KIRREL3: variants seen among roughly 807,000 people sequenced by gnomAD.
KIRREL3 encodes kin of IRRE-like protein 3.
A neutral mutation model predicts 89.7 loss-of-function variants in KIRREL3; 36 were observed. The observed-to-expected ratio is 0.40, with a 90% CI of 0.31 to 0.53. The LOEUF (loss-of-function observed/expected upper bound fraction) is 0.53, where lower values mean the gene tolerates loss of function less well. Among genes scored for constraint, KIRREL3 ranks in the 20% least tolerant of loss-of-function variants. KIRREL3 has a pLI of 0.49. For synonymous variants in KIRREL3, 445 were observed against 441.4 expected (o/e 1.01, Z -0.10); for missense variants, 864 against 1,056.6 (o/e 0.82, Z 2.53).
intron 1 of KIRREL3, among the ~76,000 whole-genome samples, chr11:126,895,340 G>C (rs761617893): frequency 4.0e-5 from 6 of 151,236 alleles, no homozygotes; most frequent in African/African-American, 1.5e-4. Context: ...GAGGGCACCA[G>C]TAATCCCAGG....
At position 126,917,488 on chromosome 11, in the gene KIRREL3, T is replaced by A. The variant is rs112053367; in HGVS notation, c.55+82967A>T. On this transcript the variant is annotated intron_variant, in intron 1 of 16. Coordinates refer to ENST00000525144, the MANE Select transcript of KIRREL3 (RefSeq NM_032531.4). The surrounding 1 kb of genome is among the most constrained non-coding windows in gnomAD (Gnocchi z 5.0). The stretch of plus-strand genomic sequence containing the variant: ...TATATATTTTACCACAATAAAAAAA[T>A]TAAAAAAAAACAAGGAAAAACCTGC... Among the ~76,000 whole-genome samples the A allele has an allele frequency of 6.7e-6, 1 of 148,678 alleles. No homozygotes were observed. Among genetic ancestry groups the A allele is most frequent in the African/African-American group, 2.5e-5 (1 of 39,308 alleles).
At position 126,744,868 on chromosome 11, in the gene KIRREL3, G is replaced by T. The variant is rs1255574565; in HGVS notation, c.56-181956C>A. Among the ~76,000 whole-genome samples the T allele has an allele frequency of 9.5e-6, 1 of 105,708 alleles. No individual in the cohort carries two copies. Among genetic ancestry groups the T allele is most frequent in the Non-Finnish European group, 1.9e-5 (1 of 53,494 alleles). 69.3% of individuals were successfully genotyped at this position (105,708 alleles called of 152,430 possible). A position where few individuals can be genotyped will look rare whatever the true frequency, so the allele number is the denominator to read the frequency against. The stretch of plus-strand genomic sequence containing the variant: ...CACAATAAATTGTGTCTGCCACATA[G>T]TAAGTGCTAAAAAAAAAAAAAAAGG... On this transcript the variant is annotated intron_variant, in intron 1 of 16. Coordinates refer to ENST00000525144, the MANE Select transcript of KIRREL3 (RefSeq NM_032531.4). The surrounding 1 kb of genome is among the most constrained non-coding windows in gnomAD (Gnocchi z 4.7).
At chr11:126,592,014 G>T (rs1942160107) in intron 1 of KIRREL3, among the ~76,000 whole-genome samples, 1 of 152,114 alleles carries the variant, frequency 6.6e-6, no homozygotes, top group Non-Finnish European at 1.5e-5. Flanking sequence ...ACGGCTGGGG[G>T]TCGCTTGCCT....
chr11:126,845,732 CT>C (rs1429800517), intron 1 of KIRREL3, among the ~76,000 whole-genome samples: 1 of 152,102 alleles, frequency 6.6e-6, no homozygotes, highest in East Asian at 1.9e-4. Flanking sequence ...ATTCTCTTCC[CT>C]TCTATGAATT....
rs11600151 is a variant in KIRREL3, at chr11:126,430,642, C to T, written c.1696+777G>A. Among the ~76,000 whole-genome samples the T allele has an allele frequency of 0.1, 15,589 of 152,076 alleles. 872 individuals carry two copies. Among genetic ancestry groups the T allele is most frequent in the African/African-American group, 0.13 (5,304 of 41,440 alleles). On this transcript the variant is annotated intron_variant, in intron 14 of 16. Coordinates refer to ENST00000525144, the MANE Select transcript of KIRREL3 (RefSeq NM_032531.4). This position sits in a 1 kb window ranked among gnomAD's most constrained non-coding sequence, Gnocchi z 6.6. ...CTTTCTTCAAACATGTGCAGGCTGC[C>T]GAGTGGCAGAGGAGCAGACCCATTC... is the stretch of plus-strand genomic sequence containing the variant.
In KIRREL3 at chr11:126,542,947, G is replaced by A. The variant is rs528585358; in HGVS notation, c.134-16260C>T. Among the ~76,000 whole-genome samples the A allele has an allele frequency of 1.4e-3, 209 of 152,240 alleles. 1 individual carries two copies. Among genetic ancestry groups the A allele is most frequent in the African/African-American group, 4.8e-3 (199 of 41,516 alleles). On this transcript the variant is annotated intron_variant, in intron 2 of 16. Coordinates refer to ENST00000525144, the MANE Select transcript of KIRREL3 (RefSeq NM_032531.4). ...TGGGATATTAACCACAACTAACTCC[G>A]ATACAAAGCACTTCACATACATTAT...
At chr11:126,929,052 C>T (rs961318056) in intron 1 of KIRREL3, among the ~76,000 whole-genome samples, 1 of 151,996 alleles carries the variant, frequency 6.6e-6, no homozygotes, top group Admixed American at 6.5e-5. Context: ...ATGTACATAC[C>T]CCTTAGGAGC....
intron 1 of KIRREL3, among the ~76,000 whole-genome samples, chr11:126,665,244 C>A (rs1259956813): frequency 6.6e-6 from 1 of 152,162 alleles, no homozygotes; most frequent in Non-Finnish European, 1.5e-5. Flanking sequence ...CAGGATGATG[C>A]AGTTGACACA....
At position 126,685,289 on chromosome 11, in the gene KIRREL3, A is replaced by T. The variant is rs1268888636; in HGVS notation, c.56-122377T>A. Among the ~76,000 whole-genome samples, 1 of 152,154 alleles carries T rather than the reference A, an allele frequency of 6.6e-6. No individual in the cohort carries two copies. The highest frequency in any genetic ancestry group is 1.5e-5 in the Non-Finnish European group (1 of 68,028). ...TGAACACACAATTGAGCAACAAAACATAGTCACACAGGGCCTGCCTCACAC... is the reference window on the plus strand; with the variant it reads ...TGAACACACAATTGAGCAACAAAACTTAGTCACACAGGGCCTGCCTCACAC... On this transcript the variant is annotated intron_variant, in intron 1 of 16. Transcript: ENST00000525144. This position sits in a 1 kb window ranked among gnomAD's most constrained non-coding sequence, Gnocchi z 5.5.
intron 1 of KIRREL3, among the ~76,000 whole-genome samples, chr11:126,907,253 T>C (rs1422024150): frequency 6.6e-6 from 1 of 152,184 alleles, no homozygotes. Context: ...CCAAGTCCAC[T>C]GTGAAGATGC....
At chr11:126,675,063 G>T (rs1025763205) in intron 1 of KIRREL3, among the ~76,000 whole-genome samples, 14 of 152,222 alleles carry the variant, frequency 9.2e-5, no homozygotes, top group African/African-American at 3.4e-4. Flanking sequence ...TCACCTTGGA[G>T]CTTGTTGCCT....
rs567692205 is a variant in KIRREL3, at chr11:126,569,971, A to G, written c.56-7059T>C. Among the ~76,000 whole-genome samples the G allele has an allele frequency of 6.6e-6, 1 of 152,296 alleles. No homozygotes were observed. Among genetic ancestry groups the G allele is most frequent in the African/African-American group, 2.4e-5 (1 of 41,584 alleles). ...GGTTCTGCCTACTCCTATTTTCAGC[A>G]TAATTACTCATATCCCAGGCAATAA... On this transcript the variant is annotated intron_variant, in intron 1 of 16. Transcript: ENST00000525144. This position sits in a 1 kb window ranked among gnomAD's most constrained non-coding sequence, Gnocchi z 6.5.
Position 126,977,589 on chromosome 11 carries a change from C to G in KIRREL3, c.55+22866G>C, listed in dbSNP as rs926938466. 3.3e-5 allele frequency among the ~76,000 whole-genome samples: 5 copies of G among 152,202 alleles called. No homozygotes were observed. The highest frequency in any genetic ancestry group is 6.5e-5 in the Admixed American group (1 of 15,282). On this transcript the variant is annotated intron_variant, in intron 1 of 16. Coordinates refer to ENST00000525144, the MANE Select transcript of KIRREL3 (RefSeq NM_032531.4). This position sits in a 1 kb window ranked among gnomAD's most constrained non-coding sequence, Gnocchi z 4.7. ...GCATTTATTGAATGCCTACTATGCA[C>G]CTGTCTATTTCATCAGGTTTATACC...
rs955632038 is a variant in KIRREL3, at chr11:126,579,524, C to T, written c.56-16612G>A. Among the ~76,000 whole-genome samples, 6 of 152,034 alleles carry T rather than the reference C, an allele frequency of 3.9e-5. No individual in the cohort carries two copies. Among genetic ancestry groups the T allele is most frequent in the Admixed American group, 1.3e-4 (2 of 15,274 alleles). ...ACTTCTCTCATGAGCAAATGGGGTC[C>T]GGGTTCATGCAAGAAGCCAGTGGAA... On this transcript the variant is annotated intron_variant, in intron 1 of 16. Coordinates refer to ENST00000525144, the MANE Select transcript of KIRREL3 (RefSeq NM_032531.4). The surrounding 1 kb of genome is among the most constrained non-coding windows in gnomAD (Gnocchi z 5.3).
chr11:126,941,990 C>T (rs2135115686), intron 1 of KIRREL3, among the ~76,000 whole-genome samples: 1 of 152,306 alleles, frequency 6.6e-6, no homozygotes, highest in African/African-American at 2.4e-5. Context: ...AACAAAGGAG[C>T]AGGGTTCAGA....
Position 126,477,532 on chromosome 11 carries a change from C to T in KIRREL3, c.434-4066G>A, listed in dbSNP as rs371293563. ...AAGAAGGGTGAGGGTGGGCTTGGGA[C>T]GCACATCCTGGCTGTAACTGGAGAG... On this transcript the variant is annotated intron_variant, in intron 4 of 16. Transcript: ENST00000525144. The surrounding 1 kb of genome is among the most constrained non-coding windows in gnomAD (Gnocchi z 4.8). 3.9e-4 allele frequency among the ~76,000 whole-genome samples: 60 copies of T among 152,326 alleles called. No individual in the cohort carries two copies. In the South Asian group the frequency reaches 0.012, roughly 30 times the overall value.
At chr11:126,840,344 G>C (rs1003843211) in intron 1 of KIRREL3, among the ~76,000 whole-genome samples, 92 of 152,206 alleles carry the variant, frequency 6.0e-4, no homozygotes, top group African/African-American at 2.2e-3. Flanking sequence ...CAGCGCCCAG[G>C]GTCAAGTTTA....
chr11:126,926,758 G>C (rs940925351), intron 1 of KIRREL3, among the ~76,000 whole-genome samples: 1 of 152,194 alleles, frequency 6.6e-6, no homozygotes, highest in African/African-American at 2.4e-5. Flanking sequence ...CTCTGACGTT[G>C]GGTGGCTTCT....
chr11:126,950,726 G>A (rs1368092365), intron 1 of KIRREL3, among the ~76,000 whole-genome samples: 1 of 152,186 alleles, frequency 6.6e-6, no homozygotes, highest in Non-Finnish European at 1.5e-5. Flanking sequence ...GAGGTGGAGA[G>A]CCACCTGTCT....
Sources: gnomAD v4.1 joint callset for allele counts (sites outside exome capture counted in the v4.1 genomes callset) on GRCh38, gnomAD v4.1.1 for gene constraint, Gnocchi (gnomAD v3.1) non-coding constraint, MANE v1.5 for transcripts, NCBI Gene and HGNC (gene_info 2026-07-23, HGNC 2026-07-21) for gene names.